Variants in ROBO2 observed in about 807,000 individuals in gnomAD.
The protein encoded by ROBO2 is roundabout guidance receptor 2.
A neutral mutation model predicts 160.8 loss-of-function variants in ROBO2; 53 were observed. The ratio of observed to expected loss-of-function variants is 0.33; its 90% CI spans 0.26 to 0.41. The LOEUF (loss-of-function observed/expected upper bound fraction) is 0.41. Among genes scored for constraint, ROBO2 ranks in the 10% least tolerant of loss-of-function variants. The pLI is 1.00. For missense variants in ROBO2, 1,577 were observed against 1,722.4 expected (o/e 0.92, Z 1.49); for synonymous variants, 664 against 611.7 (o/e 1.09, Z -1.26).
intron 2 of ROBO2, among the ~76,000 whole-genome samples, chr3:76,770,810 C>T (rs1390106522): frequency 6.6e-6 from 1 of 151,126 alleles, no homozygotes; most frequent in African/African-American, 2.4e-5. Context: ...AGCTTAATGC[C>T]TCCAACTGAG....
intron 1 of ROBO2, among the ~76,000 whole-genome samples, chr3:75,928,627 CTT>C (rs1947387674): frequency 1.3e-5 from 2 of 152,204 alleles, no homozygotes; most frequent in African/African-American, 2.4e-5. Flanking sequence ...GAGCTGGACT[CTT>C]TTTCTTTTTT....
At chr3:77,609,719 A>C (rs184968264) in intron 21 of ROBO2, among the ~76,000 whole-genome samples, 1 of 150,944 alleles carries the variant, frequency 6.6e-6, no homozygotes, top group African/African-American at 2.4e-5. Flanking sequence ...ATTATTTAAC[A>C]CAAATTATTT....
At chr3:76,970,466 T>C (rs2059520909) in intron 2 of ROBO2, among the ~76,000 whole-genome samples, 1 of 152,160 alleles carries the variant, frequency 6.6e-6, no homozygotes, top group Non-Finnish European at 1.5e-5. Context: ...CCCTTCTGAA[T>C]ACATGAAAAG....
At chr3:76,446,908 T>G (rs1577251951) in intron 2 of ROBO2, among the ~76,000 whole-genome samples, 1 of 152,322 alleles carries the variant, frequency 6.6e-6, no homozygotes, top group Non-Finnish European at 1.5e-5. Flanking sequence ...GATTAAAGAC[T>G]TAAATATTAG....
intron 2 of ROBO2, among the ~76,000 whole-genome samples, chr3:76,497,550 T>C (rs1467114790): frequency 6.6e-6 from 1 of 152,140 alleles, no homozygotes; most frequent in East Asian, 1.9e-4. Context: ...ATAATATCTC[T>C]TGTCTTGTGT....
At chr3:76,009,983 T>C (rs2066146670) in intron 2 of ROBO2, among the ~76,000 whole-genome samples, 2 of 152,252 alleles carry the variant, frequency 1.3e-5, no homozygotes, top group Admixed American at 1.3e-4. Flanking sequence ...ATTTCTTTTC[T>C]ATTTTCTTTA....
intron 2 of ROBO2, among the ~76,000 whole-genome samples, chr3:76,220,572 C>T (rs1025785196): frequency 1.3e-5 from 2 of 152,052 alleles, no homozygotes; most frequent in East Asian, 1.9e-4. Context: ...TTCCCAGCCT[C>T]CAAAACTGTG....
intron 1 of ROBO2, among the ~76,000 whole-genome samples, chr3:77,059,861 A>T (rs147043717): frequency 3.0e-4 from 45 of 152,160 alleles, no homozygotes; most frequent in African/African-American, 1.0e-3. Context: ...TTGTTGCTTT[A>T]ATCACAGTGA....
intron 2 of ROBO2, among the ~76,000 whole-genome samples, chr3:76,277,841 A>G (rs1220466495): frequency 6.6e-6 from 1 of 151,898 alleles, no homozygotes; most frequent in Non-Finnish European, 1.5e-5. Context: ...TGGGTTGAAT[A>G]TTGTGAGCCC....
chr3:76,359,177 G>A (rs1214876660), intron 2 of ROBO2, among the ~76,000 whole-genome samples: 1 of 151,748 alleles, frequency 6.6e-6, no homozygotes, highest in Non-Finnish European at 1.5e-5. Context: ...TATCATTGTT[G>A]GACATTTGAG....
At chr3:76,264,943 A>G (rs1707006673) in intron 2 of ROBO2, among the ~76,000 whole-genome samples, 3 of 152,184 alleles carry the variant, frequency 2.0e-5, no homozygotes, top group Admixed American at 2.0e-4. Context: ...TTTCCTCCCC[A>G]TGCAGTTTTT....
intron 2 of ROBO2, among the ~76,000 whole-genome samples, chr3:76,044,752 T>C (rs1371743863): frequency 9.2e-5 from 14 of 152,022 alleles, no homozygotes; most frequent in Non-Finnish European, 2.9e-5. Flanking sequence ...ATAAGTGCCA[T>C]GACTAAAATA....
intron 2 of ROBO2, among the ~76,000 whole-genome samples, chr3:76,255,713 T>C (rs979970522): frequency 1.1e-4 from 17 of 152,216 alleles, no homozygotes; most frequent in African/African-American, 3.8e-4. Context: ...TCACAGAGAA[T>C]ACTATTTTAC....
intron 2 of ROBO2, among the ~76,000 whole-genome samples, chr3:76,608,176 C>T (rs1251068653): frequency 6.6e-6 from 1 of 152,188 alleles, no homozygotes; most frequent in Non-Finnish European, 1.5e-5. Context: ...TGTTCTGTTA[C>T]TTTGCCACAC....
chr3:77,505,696 A>G (rs2088400956), intron 5 of ROBO2, among the ~76,000 whole-genome samples: 1 of 152,130 alleles, frequency 6.6e-6, no homozygotes, highest in Non-Finnish European at 1.5e-5. Context: ...AGTAATAGCT[A>G]ATATTTACAA....
intron 2 of ROBO2, among the ~76,000 whole-genome samples, chr3:76,213,441 G>T (rs1228712609): frequency 6.6e-6 from 1 of 152,088 alleles, no homozygotes; most frequent in Non-Finnish European, 1.5e-5. Flanking sequence ...TACTCTTAGT[G>T]TTTATTTCTG....
At chr3:76,034,176 G>A (rs1217554883) in intron 2 of ROBO2, among the ~76,000 whole-genome samples, 1 of 152,138 alleles carries the variant, frequency 6.6e-6, no homozygotes, top group Non-Finnish European at 1.5e-5. Flanking sequence ...GAAATGAATA[G>A]CTGCACCCAA....
At chr3:76,871,552 TC>T (rs1312012621) in intron 2 of ROBO2, among the ~76,000 whole-genome samples, 6 of 104,238 alleles carry the variant, frequency 5.8e-5, no homozygotes. Flanking sequence ...AGACTCCGTC[TC>T]AAAAAAAGAA....
chr3:76,219,325 G>T (rs191002556), intron 2 of ROBO2, among the ~76,000 whole-genome samples: 12 of 152,288 alleles, frequency 7.9e-5, no homozygotes, highest in Admixed American at 4.6e-4. Flanking sequence ...ATTGACAAAT[G>T]GGATCTAATT....
Sources: allele counts gnomAD v4.1 joint callset (sites outside exome capture counted in the v4.1 genomes callset), GRCh38; gene constraint gnomAD v4.1.1; transcripts MANE v1.5; gene names NCBI Gene and HGNC (gene_info 2026-07-23, HGNC 2026-07-21).